The following CD163L1 variants were observed in gnomAD, a reference collection of about 807,000 sequenced individuals.
CD163L1 encodes CD163 molecule like 1, also known as scavenger receptor cysteine-rich type 1 protein M160.
Under a neutral mutation model 165.4 loss-of-function variants are expected in CD163L1, and 124 were observed. That is an observed-to-expected ratio of 0.75 (90% CI 0.65 to 0.87). The LOEUF (loss-of-function observed/expected upper bound fraction) is 0.87. CD163L1 is among the 40% of genes least tolerant of loss of function. The probability of loss-of-function intolerance (pLI) is 0.00; values close to 1 mark genes in which losing one functional copy is unlikely to be tolerated. For missense variants in CD163L1, 1,525 were observed against 1,799.9 expected (o/e 0.85, Z 2.76); for synonymous variants, 585 against 662.2 (o/e 0.88, Z 1.79).
intron 8 of CD163L1, among the ~76,000 whole-genome samples, chr12:7,382,069 A>AAT (rs1418683835): frequency 2.7e-5 from 4 of 148,064 alleles, no homozygotes; most frequent in East Asian, 1.9e-4. Flanking sequence ...AATTATTTTA[A>AAT]ATATATATAT....
intron 4 of CD163L1, among the ~76,000 whole-genome samples, chr12:7,421,323 T>C (rs371913307): frequency 9.2e-6 from 1 of 108,704 alleles, no homozygotes; most frequent in East Asian, 3.0e-4. Context: ...TTGGAAGATA[T>C]ATATGTATAT....
chr12:7,383,856 G>A (rs1349862874), intron 8 of CD163L1, among the ~76,000 whole-genome samples: 3 of 152,018 alleles, frequency 2.0e-5, no homozygotes, highest in Non-Finnish European at 1.5e-5. Flanking sequence ...TGAAAGCAAC[G>A]ATTTTATACC....
At chr12:7,332,596 T>C in the CD163L1 span, among the ~76,000 whole-genome samples, 1 of 152,276 alleles carries the variant, frequency 6.6e-6, no homozygotes, top group East Asian at 1.9e-4. Flanking sequence ...CAGCAGAAAC[T>C]CTACAAACCA....
the CD163L1 span, chr12:7,324,424 G>A: frequency 1.2e-6 from 2 of 1,613,954 alleles, no homozygotes; most frequent in African/African-American, 2.7e-5. Context: ...CCACTCTGAA[G>A]AGGTAACAAT....
At chr12:7,440,229 C>T (rs980061628) in intron 2 of CD163L1, among the ~76,000 whole-genome samples, 5 of 152,166 alleles carry the variant, frequency 3.3e-5, no homozygotes, top group Non-Finnish European at 7.4e-5. Context: ...CGGCCCTCCG[C>T]GCAGGCAGCC....
chr12:7,397,690 C>T (rs1591924397), intron 7 of CD163L1, among the ~76,000 whole-genome samples: 1 of 152,146 alleles, frequency 6.6e-6, no homozygotes, highest in Middle Eastern at 3.2e-3. Context: ...ATCCCATCAG[C>T]CCTCTTTACA....
At chr12:7,427,225 C>T (rs1234118027) in intron 4 of CD163L1, among the ~76,000 whole-genome samples, 2 of 152,038 alleles carry the variant, frequency 1.3e-5, no homozygotes, top group Admixed American at 6.6e-5. Flanking sequence ...TGTAACATTC[C>T]ATCTAAAGTA....
At chr12:7,363,122 T>C (rs759953418) in intron 18 of CD163L1, among the ~76,000 whole-genome samples, 6 of 151,854 alleles carry the variant, frequency 4.0e-5, no homozygotes, top group Middle Eastern at 3.4e-3. Flanking sequence ...CCGACCAACA[T>C]AGTGAAACCC....
rs188513496 is a variant in CD163L1, at chr12:7,379,226, T to A, written c.2123A>T (p.Gln708Leu). Reference sequence around the variant, plus strand: ...AGCACACAGAATTCCCACGGCACCCTGGACATTCACCTCAACTTTTCCAGC... The same window carrying A: ...AGCACACAGAATTCCCACGGCACCCAGGACATTCACCTCAACTTTTCCAGC... Reference protein sequence around the residue: ...RCAGKVEVNVQGAVGILCANG... With the variant: ...RCAGKVEVNVLGAVGILCANG... The change falls in exon 9 of 20, where the codon CAG (glutamine) becomes CTG (leucine). Residue 708 changes from glutamine to leucine, a missense_variant. Physicochemically the swap from Gln to Leu is moderately radical, Grantham distance 113. Coordinates refer to ENST00000313599, the MANE Select transcript of CD163L1 (RefSeq NM_174941.6). The A allele has an allele frequency of 6.2e-7, 1 of 1,614,222 alleles. No individual in the cohort carries two copies. Among genetic ancestry groups the A allele is most frequent in the African/African-American group, 1.3e-5 (1 of 75,066 alleles).
intron 2 of CD163L1, among the ~76,000 whole-genome samples, chr12:7,437,202 T>A (rs1948729756): frequency 1.4e-5 from 1 of 73,362 alleles, no homozygotes; most frequent in Non-Finnish European, 4.5e-5. Context: ...TTAATAGTAT[T>A]ACTTTTTTAT....
Position 7,387,121 on chromosome 12 carries a change from CAA to C in CD163L1, c.2051-7825_2051-7824del, listed in dbSNP as rs1947537016. Among the ~76,000 whole-genome samples the C allele has an allele frequency of 3.3e-5, 5 of 152,166 alleles. No homozygotes were observed. In the South Asian group the frequency reaches 1.0e-3, roughly 32 times the overall value. ...TCTTAGAACTAATAAACAAATTCAG[CAA>C]AGTTACAGCATACAAAATCAACATA... is the stretch of plus-strand genomic sequence containing the variant. On this transcript the variant is annotated intron_variant, in intron 8 of 19. Coordinates refer to ENST00000313599, the MANE Select transcript of CD163L1 (RefSeq NM_174941.6).
chr12:7,374,651 A>G lies in CD163L1; in HGVS notation c.3200T>C (p.Leu1067Pro). The part of the protein sequence containing the change: ...WGTICDDGWD[L>P]SDAHVVCQKL... ...TTGACACACCACGTGGGCATCGCTCAGGTCCCAGCCGTCATCACAGATGGT... is the reference window on the plus strand; with the variant it reads ...TTGACACACCACGTGGGCATCGCTCGGGTCCCAGCCGTCATCACAGATGGT... The change falls in exon 13 of 20, where the codon CTG becomes CCG. Residue 1067 changes from leucine (L) to proline (P), a missense_variant. Physicochemically the swap from Leu to Pro is moderately conservative, Grantham distance 98 (BLOSUM62 -3). Transcript: ENST00000313599. The surrounding 1 kb of genome is among the most constrained non-coding windows in gnomAD (Gnocchi z 5.4). 1 of 1,614,242 alleles carries G rather than the reference A, an allele frequency of 6.2e-7. No individual in the cohort carries two copies. Among genetic ancestry groups the G allele is most frequent in the Non-Finnish European group, 8.5e-7 (1 of 1,180,042 alleles).
chr12:7,443,979 C>T, intron 1 of CD163L1, 118 bp downstream of exon 1: 2 of 950,174 alleles, frequency 2.1e-6, no homozygotes, highest in Non-Finnish European at 1.5e-6. Context: ...TTATATTTCT[C>T]ATGTCCTGTT....
chr12:7,397,415 T>C (rs1295636486), intron 7 of CD163L1, among the ~76,000 whole-genome samples: 2 of 152,226 alleles, frequency 1.3e-5, no homozygotes, highest in Non-Finnish European at 1.5e-5. Context: ...GGTAAGGTAC[T>C]GAATTCTCAA....
At chr12:7,324,602 G>A in the CD163L1 span, 3 of 1,613,552 alleles carry the variant, frequency 1.9e-6, no homozygotes, top group Non-Finnish European at 2.5e-6. Flanking sequence ...CGGAGAGGTA[G>A]ATGAATGTCA....
At position 7,407,766 on chromosome 12, in the gene CD163L1, TACAC is replaced by T. The variant is rs950006183; in HGVS notation, c.767-918_767-915del. Among the ~76,000 whole-genome samples, 5 of 148,232 alleles carry T rather than the reference TACAC, an allele frequency of 3.4e-5. No homozygotes were observed. The South Asian group carries it at 6.5e-4, about 19-fold the overall frequency. ...GAGAACTTGAAGATATGTGTATATA[TACAC>T]ACACACATCCATACACACACACACA... On this transcript the variant is annotated intron_variant, in intron 4 of 19. Coordinates refer to ENST00000313599, the MANE Select transcript of CD163L1 (RefSeq NM_174941.6).
chr12:7,421,440 CAT>C (rs780938019), intron 4 of CD163L1, among the ~76,000 whole-genome samples: 1 of 88,162 alleles, frequency 1.1e-5, no homozygotes, highest in Non-Finnish European at 2.0e-5. Flanking sequence ...TACATATATA[CAT>C]ATACATATAT....
chr12:7,409,137 CAATA>C (rs1402960879), intron 4 of CD163L1, among the ~76,000 whole-genome samples: 1 of 151,880 alleles, frequency 6.6e-6, no homozygotes, highest in Non-Finnish European at 1.5e-5. Flanking sequence ...AAGAGACAGT[CAATA>C]GATAAGGAAT....
chr12:7,389,766 C>T (rs1035955080), intron 8 of CD163L1, among the ~76,000 whole-genome samples: 1 of 151,630 alleles, frequency 6.6e-6, no homozygotes, highest in African/African-American at 2.4e-5. Context: ...CAGAATGTCT[C>T]GTGTACTCCA....
Sources: allele counts gnomAD v4.1 joint callset (sites outside exome capture counted in the v4.1 genomes callset), GRCh38; gene constraint gnomAD v4.1.1; non-coding constraint Gnocchi (gnomAD v3.1); transcripts MANE v1.5; gene names NCBI Gene and HGNC (gene_info 2026-07-23, HGNC 2026-07-21).